Variants in POU2AF2 observed in about 807,000 individuals in gnomAD.
The protein encoded by POU2AF2 is POU domain class 2-associating factor 2.
chr11:111,258,444 A>G, the POU2AF2 span, among the ~76,000 whole-genome samples: 1 of 152,212 alleles, frequency 6.6e-6, no homozygotes, highest in African/African-American at 2.4e-5. Context: ...CTGTATACAA[A>G]TGATAAGGCA....
At chr11:111,286,069 G>T in the POU2AF2 span, 2 of 1,602,496 alleles carry the variant, frequency 1.2e-6, no homozygotes, top group South Asian at 1.1e-5. Flanking sequence ...AGGGCCAAAT[G>T]ACTTCTGGGT....
the POU2AF2 span, among the ~76,000 whole-genome samples, chr11:111,272,106 A>G: frequency 3.3e-5 from 5 of 152,146 alleles, no homozygotes; most frequent in Non-Finnish European, 5.9e-5. Context: ...CCACATTTCC[A>G]GGTATGTGAC....
chr11:111,254,639 T>C, the POU2AF2 span, among the ~76,000 whole-genome samples: 1 of 152,250 alleles, frequency 6.6e-6, no homozygotes, highest in Non-Finnish European at 1.5e-5. Context: ...CAATGCACCA[T>C]ACTACCTCTG....
chr11:111,257,056 A>C, the POU2AF2 span, among the ~76,000 whole-genome samples: 1 of 152,248 alleles, frequency 6.6e-6, no homozygotes, highest in Non-Finnish European at 1.5e-5. Context: ...TCATTTGGTT[A>C]CCAAGATCAG....
the POU2AF2 span, among the ~76,000 whole-genome samples, chr11:111,257,137 G>A: frequency 7.2e-5 from 11 of 152,182 alleles, no homozygotes; most frequent in African/African-American, 2.4e-4. Flanking sequence ...CACCTGCTGG[G>A]TGCAGAGCAT....
chr11:111,279,349 G>A, the POU2AF2 span, among the ~76,000 whole-genome samples: 4 of 152,178 alleles, frequency 2.6e-5, no homozygotes, highest in African/African-American at 9.7e-5. Context: ...GCAGTAACAA[G>A]TTACCACAAA....
the POU2AF2 span, among the ~76,000 whole-genome samples, chr11:111,263,082 A>G: frequency 1.3e-5 from 2 of 152,206 alleles, no homozygotes; most frequent in Non-Finnish European, 2.9e-5. Context: ...TCCCTAACAC[A>G]ATTCAACTTT....
At chr11:111,280,298 G>C in the POU2AF2 span, among the ~76,000 whole-genome samples, 317 of 152,070 alleles carry the variant, frequency 2.1e-3, no homozygotes, top group African/African-American at 7.5e-3. Flanking sequence ...AGTAAACATT[G>C]AAGTGGCCCT....
At chr11:111,271,410 T>C in the POU2AF2 span, among the ~76,000 whole-genome samples, 2 of 152,124 alleles carry the variant, frequency 1.3e-5, no homozygotes, top group African/African-American at 2.4e-5. Context: ...AACTCTTTTT[T>C]ATTTCTTTTT....
the POU2AF2 span, among the ~76,000 whole-genome samples, chr11:111,252,597 T>G: frequency 5.3e-5 from 8 of 151,790 alleles, no homozygotes; most frequent in Non-Finnish European, 1.2e-4. Flanking sequence ...GCCCACACCC[T>G]GACTTTCTGT....
At chr11:111,251,159 A>G in the POU2AF2 span, among the ~76,000 whole-genome samples, 1 of 152,156 alleles carries the variant, frequency 6.6e-6, no homozygotes, top group East Asian at 1.9e-4. Context: ...TTACTGTAGA[A>G]ATTGCCCTGG....
chr11:111,276,453 A>AAAAAAAT, the POU2AF2 span, among the ~76,000 whole-genome samples: 19 of 37,668 alleles, frequency 5.0e-4, no homozygotes, highest in East Asian at 1.2e-3. Flanking sequence ...AAAAAAAAAA[A>AAAAAAAT]ATATATATAT....
the POU2AF2 span, among the ~76,000 whole-genome samples, chr11:111,261,476 T>A: frequency 1.3e-5 from 2 of 152,194 alleles, no homozygotes; most frequent in African/African-American, 4.8e-5. Flanking sequence ...AGTTGGTGAG[T>A]GATTTTCAGA....
At chr11:111,284,391 G>C in the POU2AF2 span, 7 of 1,577,408 alleles carry the variant, frequency 4.4e-6, no homozygotes, top group Non-Finnish European at 6.0e-6. Flanking sequence ...AGTATGCAGA[G>C]ACCTCGTGTG....
At chr11:111,284,326 A>G in the POU2AF2 span, 1 of 1,610,894 alleles carries the variant, frequency 6.2e-7, no homozygotes, top group Non-Finnish European at 8.5e-7. Context: ...CCTCGCCCCT[A>G]CCGCCGCTCC....
At chr11:111,280,057 A>AAATATATATATATATATATATAT in the POU2AF2 span, among the ~76,000 whole-genome samples, 17 of 76,472 alleles carry the variant, frequency 2.2e-4, no homozygotes, top group Admixed American at 3.6e-4. Context: ...AAAAAAAAAA[A>AAATATATATATATATATATATAT]ATATATATAT....
the POU2AF2 span, among the ~76,000 whole-genome samples, chr11:111,261,832 G>A: frequency 2.6e-5 from 4 of 152,148 alleles, no homozygotes; most frequent in East Asian, 7.7e-4. Context: ...ATAAACCTAA[G>A]GAAAAATAAA....
At chr11:111,268,784 G>T in the POU2AF2 span, among the ~76,000 whole-genome samples, 14 of 151,838 alleles carry the variant, frequency 9.2e-5, no homozygotes, top group African/African-American at 3.4e-4. Context: ...CTGACCTCAG[G>T]TGATCCACCC....
At chr11:111,278,773 T>A in the POU2AF2 span, among the ~76,000 whole-genome samples, 1 of 152,240 alleles carries the variant, frequency 6.6e-6, no homozygotes, top group South Asian at 2.1e-4. Context: ...AAGGGCTGTG[T>A]ATGCAAGAAG....
Sources: gnomAD v4.1 joint callset for allele counts (sites outside exome capture counted in the v4.1 genomes callset) on GRCh38, gnomAD v4.1.1 for gene constraint, MANE v1.5 for transcripts, NCBI Gene and HGNC (gene_info 2026-07-23, HGNC 2026-07-21) for gene names.